PHKB: variants seen among roughly 807,000 people sequenced by gnomAD.
PHKB encodes the protein phosphorylase b kinase regulatory subunit beta.
In PHKB, 122 loss-of-function variants were observed where a neutral mutation model predicts 152.1. The ratio of observed to expected loss-of-function variants is 0.80; its 90% CI spans 0.69 to 0.93. The LOEUF is 0.93. Ranked by LOEUF, PHKB falls within the 40% of genes least tolerant of loss-of-function variation. The pLI is 0.00. For missense variants in PHKB, 1,304 were observed against 1,328.4 expected, an observed-to-expected ratio of 0.98 and a Z score of 0.29; for synonymous variants, 436 against 464.9, an observed-to-expected ratio of 0.94 and a Z score of 0.80.
intron 23 of PHKB, 65 bp from the exon 24 acceptor site, chr16:47,663,612 G>A: frequency 7.6e-7 from 1 of 1,308,616 alleles, no homozygotes; most frequent in Non-Finnish European, 1.1e-6. Context: ...ACTTTTAAGA[G>A]GAATAAATGT....
intron 26 of PHKB, among the ~76,000 whole-genome samples, chr16:47,683,751 G>A (rs1028611928): frequency 1.3e-5 from 2 of 152,044 alleles, no homozygotes; most frequent in Non-Finnish European, 1.5e-5. Flanking sequence ...GCTCGTGCAC[G>A]GTGCACTTCA....
At chr16:47,602,562 T>C (rs910290888) in intron 13 of PHKB, among the ~76,000 whole-genome samples, 3 of 140,424 alleles carry the variant, frequency 2.1e-5, no homozygotes, top group African/African-American at 5.4e-5. Context: ...TTTTTTTTTT[T>C]CTTTTCTTAC....
intron 26 of PHKB, among the ~76,000 whole-genome samples, chr16:47,672,107 T>C (rs1799126543): frequency 6.6e-6 from 1 of 152,180 alleles, no homozygotes; most frequent in South Asian, 2.1e-4. Flanking sequence ...CTTTAGCTTA[T>C]TATTTTTAAG....
intron 15 of PHKB, 69 bp downstream of exon 15, chr16:47,641,159 G>A: frequency 8.5e-7 from 1 of 1,171,824 alleles, no homozygotes; most frequent in South Asian, 1.2e-5. Context: ...ATTGCTTTAT[G>A]TTTACAATAT....
chr16:47,573,766 C>A (rs903010378), intron 7 of PHKB, among the ~76,000 whole-genome samples: 2 of 152,178 alleles, frequency 1.3e-5, no homozygotes, highest in African/African-American at 2.4e-5. Flanking sequence ...GGTTTATACC[C>A]ACAGTAGATT....
chr16:47,530,112 G>A (rs1970835434), intron 6 of PHKB, among the ~76,000 whole-genome samples: 3 of 148,566 alleles, frequency 2.0e-5, no homozygotes, highest in Admixed American at 2.0e-4. Context: ...AAGAAAAGGA[G>A]ATACTGATTA....
chr16:47,566,053 G>C (rs1971559795), intron 7 of PHKB: 1 of 669,744 alleles, frequency 1.5e-6, no homozygotes. Flanking sequence ...TCATCCCTGT[G>C]GTACCCACTG....
intron 20 of PHKB, among the ~76,000 whole-genome samples, chr16:47,658,547 A>AT (rs1782200209): frequency 6.6e-6 from 1 of 152,130 alleles, no homozygotes; most frequent in Admixed American, 6.5e-5. Context: ...TATACAATGG[A>AT]GGTCTCATAA....
intron 10 of PHKB, 95 bp downstream of exon 10, chr16:47,589,197 C>T: frequency 1.1e-6 from 1 of 876,888 alleles, no homozygotes; most frequent in Admixed American, 2.1e-5. Flanking sequence ...GGCTCTGCTA[C>T]TTACTAGCTA....
chr16:47,641,548 A>G (rs1973021470), intron 15 of PHKB, 51 bp from the exon 16 acceptor site: 1 of 923,716 alleles, frequency 1.1e-6, no homozygotes. Flanking sequence ...TGCTTCCTAA[A>G]CTGTAAATGC....
intron 11 of PHKB, 23 bp from the exon 12 acceptor site, chr16:47,594,114 G>T: frequency 7.7e-7 from 1 of 1,293,296 alleles, no homozygotes; most frequent in South Asian, 1.2e-5. Context: ...AGCTGCTATT[G>T]GATTTTATAT....
intron 14 of PHKB, among the ~76,000 whole-genome samples, chr16:47,620,478 A>G (rs1199069154): frequency 1.3e-5 from 2 of 152,228 alleles, no homozygotes; most frequent in Non-Finnish European, 2.9e-5. Flanking sequence ...TCTATTGAAC[A>G]TGGTTCATGG....
At chr16:47,697,062 A>G (rs1974160844) in intron 29 of PHKB, among the ~76,000 whole-genome samples, 1 of 152,198 alleles carries the variant, frequency 6.6e-6, no homozygotes, top group South Asian at 2.1e-4. Flanking sequence ...AACAGAACAC[A>G]TGTGTCCTTT....
At chr16:47,499,515 T>C (rs1424412651) in intron 2 of PHKB, among the ~76,000 whole-genome samples, 1 of 152,266 alleles carries the variant, frequency 6.6e-6, no homozygotes, top group Non-Finnish European at 1.5e-5. Flanking sequence ...TAAAGGCTTT[T>C]TAAGTCCTAA....
rs370469218 is a variant in PHKB, at chr16:47,576,033, G to A, written c.711-4262G>A. ...GGAGGTTGTGGTGAGCCGAGATCGC[G>A]CCATTGCACTCCAGCTTGGGCAACA... On this transcript the variant is annotated intron_variant, in intron 7 of 30. Transcript: ENST00000323584. Among the ~76,000 whole-genome samples the A allele has an allele frequency of 8.8e-4, 134 of 152,214 alleles. 1 individual carries two copies. The highest frequency in any genetic ancestry group is 3.0e-3 in the African/African-American group (126 of 41,530).
chr16:47,466,928 ACGTACAC>A (rs1386847312), intron 1 of PHKB, among the ~76,000 whole-genome samples: 12 of 152,164 alleles, frequency 7.9e-5, no homozygotes, highest in Non-Finnish European at 1.5e-4. Flanking sequence ...TTTGGTGTTC[ACGTACAC>A]CTGGGTCTGA....
intron 13 of PHKB, among the ~76,000 whole-genome samples, chr16:47,610,551 C>A (rs1373956935): frequency 6.6e-6 from 1 of 151,876 alleles, no homozygotes; most frequent in African/African-American, 2.4e-5. Flanking sequence ...TTTTCATTTC[C>A]ACATATGTGT....
intron 14 of PHKB, among the ~76,000 whole-genome samples, chr16:47,614,270 T>C (rs866694610): frequency 6.6e-6 from 1 of 152,308 alleles, no homozygotes; most frequent in African/African-American, 2.4e-5. Context: ...TCCACCTCCA[T>C]GATCCAATCA....
At chr16:47,543,427 A>T (rs921398834) in intron 6 of PHKB, among the ~76,000 whole-genome samples, 3 of 152,182 alleles carry the variant, frequency 2.0e-5, no homozygotes, top group African/African-American at 4.8e-5. Context: ...GGATTTTTGC[A>T]TCGATGTTCT....
Sources: allele counts gnomAD v4.1 joint callset (sites outside exome capture counted in the v4.1 genomes callset), GRCh38; gene constraint gnomAD v4.1.1; transcripts MANE v1.5; gene names NCBI Gene and HGNC (gene_info 2026-07-23, HGNC 2026-07-21).